The following SFSWAP variants were observed in gnomAD, a reference collection of about 807,000 sequenced individuals.
The protein encoded by SFSWAP is splicing factor SWAP, also known as splicing factor, suppressor of white-apricot homolog.
In SFSWAP, 17 loss-of-function variants were observed where a neutral mutation model predicts 100.7. The ratio of observed to expected loss-of-function variants is 0.17; its 90% CI spans 0.12 to 0.25. The LOEUF (loss-of-function observed/expected upper bound fraction) is 0.25. SFSWAP is among the 10% of genes least tolerant of loss of function. The pLI is 1.00. For synonymous variants in SFSWAP, 504 were observed against 510.1 expected, an observed-to-expected ratio of 0.99 and a Z score of 0.16; for missense variants, 1,005 against 1,262.6, an observed-to-expected ratio of 0.80 and a Z score of 3.09.
intron 15 of SFSWAP, among the ~76,000 whole-genome samples, chr12:131,786,944 C>T (rs776165693): frequency 3.9e-5 from 6 of 152,166 alleles, no homozygotes; most frequent in Non-Finnish European, 8.8e-5. Flanking sequence ...ATGCAAGCTT[C>T]CGGTCCTAAA....
Position 131,786,491 on chromosome 12 carries a change from G to C in SFSWAP, c.2437G>C (p.Ala813Pro). ...RSRSRSPRRR[A>P]HSPERRREER... ...CCGCTCCCGGTCCCCTCGGAGGAGA[G>C]CCCACTCCCCTGAGAGACGGAGGGA... Residue 813 changes from alanine (A) to proline (P), a missense_variant, in exon 15 of 18, where the codon GCC becomes CCC. Transcript: ENST00000261674. 1 of 1,586,696 alleles carries C rather than the reference G, an allele frequency of 6.3e-7. No homozygotes were observed. Among genetic ancestry groups the C allele is most frequent in the Non-Finnish European group, 8.6e-7 (1 of 1,167,528 alleles).
chr12:131,784,654 C>T (rs1884762466), intron 14 of SFSWAP: 1 of 153,766 alleles, frequency 6.5e-6, no homozygotes, highest in Non-Finnish European at 1.4e-5. Flanking sequence ...AATGGAACTC[C>T]TGTTTCTTGC....
rs1242921988 is a variant in SFSWAP at position 131,733,375 on chromosome 12, G to T, written c.1081+4947G>T. On this transcript the variant is annotated intron_variant, in intron 7 of 17. Transcript: ENST00000261674. The surrounding 1 kb of genome is among the most constrained non-coding windows in gnomAD (Gnocchi z 5.1). ...TTTCACATTGAGGGTCTTAGGATTT[G>T]CAGTCCAGCTTTGCAGGGAGCGGCA... 6.6e-6 allele frequency among the ~76,000 whole-genome samples: 1 copy of T among 152,204 alleles called. No individual in the cohort carries two copies. Among genetic ancestry groups the T allele is most frequent in the Non-Finnish European group, 1.5e-5 (1 of 68,038 alleles).
intron 11 of SFSWAP, among the ~76,000 whole-genome samples, chr12:131,759,043 C>T (rs914139972): frequency 2.0e-5 from 3 of 152,148 alleles, no homozygotes; most frequent in African/African-American, 7.2e-5. Flanking sequence ...GCCAAGACCA[C>T]GCCACTGTGT....
chr12:131,761,583 G>A (rs954952900), intron 11 of SFSWAP, among the ~76,000 whole-genome samples: 4 of 152,200 alleles, frequency 2.6e-5, no homozygotes, highest in Admixed American at 6.5e-5. Context: ...CAGTGGCCCC[G>A]ATCACTCAGG....
At chr12:131,791,592 A>G (rs1885229265) in intron 15 of SFSWAP, among the ~76,000 whole-genome samples, 2 of 151,620 alleles carry the variant, frequency 1.3e-5, no homozygotes, top group African/African-American at 4.9e-5. Context: ...CTCTACTATA[A>G]GTACAAAAAA....
At position 131,799,409 on chromosome 12, in the gene SFSWAP, C is replaced by T; in HGVS notation, c.2791-14C>T. Reference sequence around the variant, plus strand: ...GGTCTTCACAGGTTCTCCTCTGTGTCTCGCCCTGCACAGGATCTCATGGCC... The same window carrying T: ...GGTCTTCACAGGTTCTCCTCTGTGTTTCGCCCTGCACAGGATCTCATGGCC... On this transcript the variant is annotated splice_polypyrimidine_tract_variant and intron_variant, in intron 17 of 17. Transcript: ENST00000261674. 1 of 1,613,820 alleles carries T rather than the reference C, an allele frequency of 6.2e-7. No individual in the cohort carries two copies. The highest frequency in any genetic ancestry group is 1.6e-4 in the Middle Eastern group (1 of 6,062).
Position 131,729,017 on chromosome 12 carries a change from A to G in SFSWAP, c.1081+589A>G, listed in dbSNP as rs921271716. ...GCCCTGGCTCTGCCCTTCTTTAAAT[A>G]TCCACCCAAGCCATAGCTAGTGGCT... On this transcript the variant is annotated intron_variant, in intron 7 of 17. Coordinates refer to ENST00000261674, the MANE Select transcript of SFSWAP (RefSeq NM_004592.4). Among the ~76,000 whole-genome samples, 14 of 152,094 alleles carry G rather than the reference A, an allele frequency of 9.2e-5. No homozygotes were observed. The South Asian group carries it at 2.7e-3, about 29-fold the overall frequency.
intron 14 of SFSWAP, among the ~76,000 whole-genome samples, chr12:131,782,657 A>G (rs1289225637): frequency 6.6e-6 from 1 of 152,210 alleles, no homozygotes; most frequent in Non-Finnish European, 1.5e-5. Flanking sequence ...ATTCTATATA[A>G]AATACAGAAA....
Position 131,711,208 on chromosome 12 carries a change from C to A in SFSWAP, c.-22C>A. On this transcript the variant is annotated 5_prime_UTR_variant, in exon 1 of 18. Transcript: ENST00000261674. The surrounding 1 kb of genome is among the most constrained non-coding windows in gnomAD (Gnocchi z 4.9). ...GTCGCGCGGCACAGAAGAGGACCAGCCTGGACGCCGGGGACGCTGTCATGT... is the reference window on the plus strand; with the variant it reads ...GTCGCGCGGCACAGAAGAGGACCAGACTGGACGCCGGGGACGCTGTCATGT... 1 of 1,564,420 alleles carries A rather than the reference C, an allele frequency of 6.4e-7. No homozygotes were observed. The highest frequency in any genetic ancestry group is 8.6e-7 in the Non-Finnish European group (1 of 1,158,354).
At chr12:131,754,336 G>A (rs765848942) in intron 8 of SFSWAP, 32 bp from the exon 9 acceptor site, 18 of 1,482,202 alleles carry the variant, frequency 1.2e-5, no homozygotes, top group South Asian at 4.2e-5. Context: ...AGCCCCTGAA[G>A]CCCAGGGGTC....
At chr12:131,788,264 C>T (rs1200050422) in intron 15 of SFSWAP, among the ~76,000 whole-genome samples, 1 of 152,188 alleles carries the variant, frequency 6.6e-6, no homozygotes, top group African/African-American at 2.4e-5. Context: ...GCGTGACCTG[C>T]TGACATTCTC....
chr12:131,745,598 C>T (rs539395354), intron 7 of SFSWAP, among the ~76,000 whole-genome samples: 5 of 152,276 alleles, frequency 3.3e-5, no homozygotes, highest in Admixed American at 1.3e-4. Flanking sequence ...ATGTGGACCT[C>T]TCCTGGGGTG....
At chr12:131,790,914 G>A (rs750926539) in intron 15 of SFSWAP, among the ~76,000 whole-genome samples, 14 of 152,168 alleles carry the variant, frequency 9.2e-5, no homozygotes, top group Non-Finnish European at 1.0e-4. Flanking sequence ...GCCAATAGCA[G>A]ATATAAAGTA....
chr12:131,767,612 T>C (rs1883221300), intron 13 of SFSWAP, among the ~76,000 whole-genome samples: 1 of 152,262 alleles, frequency 6.6e-6, no homozygotes, highest in African/African-American at 2.4e-5. Flanking sequence ...GGTTTACATC[T>C]ACAATTAGAC....
chr12:131,715,365 T>C (rs1402666663), intron 3 of SFSWAP, among the ~76,000 whole-genome samples: 1 of 152,094 alleles, frequency 6.6e-6, no homozygotes, highest in African/African-American at 2.4e-5. Flanking sequence ...CAGTGACACA[T>C]GCCCAGTGGA....
intron 3 of SFSWAP, among the ~76,000 whole-genome samples, chr12:131,716,062 T>C (rs776038742): frequency 2.6e-5 from 4 of 152,216 alleles, no homozygotes; most frequent in Admixed American, 6.5e-5. Flanking sequence ...AGCAAAATGA[T>C]GTTTGCCCTT....
intron 11 of SFSWAP, 96 bp downstream of exon 11, chr12:131,756,740 G>T: frequency 1.7e-6 from 2 of 1,157,696 alleles, no homozygotes; most frequent in Admixed American, 2.9e-5. Flanking sequence ...CTCACCTGCA[G>T]GCTGGGGTGG....
intron 15 of SFSWAP, among the ~76,000 whole-genome samples, chr12:131,789,066 A>C (rs1464540590): frequency 6.6e-6 from 1 of 150,966 alleles, no homozygotes; most frequent in East Asian, 2.0e-4. Context: ...CTGCGGCCTC[A>C]ACCTCCTGGG....
Sources: allele counts gnomAD v4.1 joint callset (sites outside exome capture counted in the v4.1 genomes callset), GRCh38; gene constraint gnomAD v4.1.1; non-coding constraint Gnocchi (gnomAD v3.1); transcripts MANE v1.5; gene names NCBI Gene and HGNC (gene_info 2026-07-23, HGNC 2026-07-21).